GLB1L3: variants seen among roughly 807,000 people sequenced by gnomAD.
GLB1L3 encodes beta-galactosidase-1-like protein 3.
A neutral mutation model predicts 89.5 loss-of-function variants in GLB1L3; 89 were observed. The observed-to-expected ratio is 0.99, with a 90% confidence interval of 0.84 to 1.19. GLB1L3 has a LOEUF of 1.19. Ranked by LOEUF, GLB1L3 falls within the 50% of genes most tolerant of loss-of-function variation. The pLI, the probability that GLB1L3 is intolerant of heterozygous loss-of-function variation, is 0.00. For synonymous variants in GLB1L3, 314 were observed against 312.3 expected, an observed-to-expected ratio of 1.01 and a Z score of -0.06; for missense variants, 812 against 813.3, an observed-to-expected ratio of 1.00 and a Z score of 0.02.
At chr11:134,276,921 T>TC (rs927004569) in intron 1 of GLB1L3, among the ~76,000 whole-genome samples, 158 bp downstream of exon 1, 1 of 152,088 alleles carries the variant, frequency 6.6e-6, no homozygotes, top group Non-Finnish European at 1.5e-5. Context: ...CCTCGGCAGA[T>TC]CCCCTGGCTA....
chr11:134,314,342 C>T lies in GLB1L3; in HGVS notation c.1680C>T (p.Ala560=). The T allele has an allele frequency of 6.5e-7, 1 of 1,548,064 alleles. No homozygotes were observed. Among genetic ancestry groups the T allele is most frequent in the South Asian group, 1.2e-5 (1 of 83,426 alleles). Residue 560 remains alanine, a synonymous_variant, in exon 18 of 20, where the codon GCC becomes GCT. Transcript: ENST00000431683. ...GCCTTTCTTCCAGGCTCCGCTCTGC[C>T]ACCTGGAAGCCTGTCCCAGACAGCC... ...KMSFFERLRS[A]TWKPVPDSHQ...
intron 10 of GLB1L3, 143 bp downstream of exon 10, chr11:134,307,351 C>T: frequency 1.6e-6 from 1 of 632,834 alleles, no homozygotes; most frequent in Non-Finnish European, 2.8e-6. Flanking sequence ...CTCAGCCAGG[C>T]CCTGAGGATG....
chr11:134,278,051 T>C, intron 3 of GLB1L3, 139 bp downstream of exon 3: 1 of 779,420 alleles, frequency 1.3e-6, no homozygotes, highest in Non-Finnish European at 2.1e-6. Flanking sequence ...CATTTAATGC[T>C]TAAGCGTCCA....
chr11:134,295,701 GCTTA>G (rs1941596087), intron 9 of GLB1L3, among the ~76,000 whole-genome samples: 2 of 152,154 alleles, frequency 1.3e-5, no homozygotes, highest in South Asian at 4.1e-4. Context: ...TGGAAATTTA[GCTTA>G]CTGAGTTGGA....
intron 11 of GLB1L3, 24 bp from the exon 12 acceptor site, chr11:134,310,547 G>T (rs1238170789): frequency 1.9e-6 from 3 of 1,594,230 alleles, no homozygotes; most frequent in Non-Finnish European, 2.6e-6. Flanking sequence ...TGCATGGCTG[G>T]TGACTGGCCC....
At chr11:134,290,084 G>A (rs1216354189) in intron 7 of GLB1L3, among the ~76,000 whole-genome samples, 2 of 152,248 alleles carry the variant, frequency 1.3e-5, no homozygotes, top group Admixed American at 6.5e-5. Context: ...TATAGCTGTG[G>A]CTTCTGGAGG....
intron 9 of GLB1L3, among the ~76,000 whole-genome samples, chr11:134,296,878 A>G (rs1941684715): frequency 1.3e-5 from 2 of 150,792 alleles, no homozygotes; most frequent in South Asian, 2.1e-4. Context: ...CAAACAAACA[A>G]AAAAAGAAAA....
At chr11:134,311,517 C>T in intron 13 of GLB1L3, 1 of 193,158 alleles carries the variant, frequency 5.2e-6, no homozygotes, top group Non-Finnish European at 1.1e-5. Flanking sequence ...CCGTGCTTCA[C>T]CAGCAGCTGG....
intron 9 of GLB1L3, among the ~76,000 whole-genome samples, chr11:134,293,748 A>C (rs1016696577): frequency 6.7e-6 from 1 of 149,770 alleles, no homozygotes; most frequent in African/African-American, 2.4e-5. Flanking sequence ...CAGGGAGTAC[A>C]TCATCTGTCC....
At chr11:134,318,269 T>C (rs940531601) in intron 18 of GLB1L3, among the ~76,000 whole-genome samples, 3 of 152,220 alleles carry the variant, frequency 2.0e-5, no homozygotes, top group African/African-American at 7.2e-5. Flanking sequence ...TTCATTATAT[T>C]GCAAGCAGAT....
At chr11:134,315,996 C>G (rs1326970890) in intron 18 of GLB1L3, among the ~76,000 whole-genome samples, 3 of 152,162 alleles carry the variant, frequency 2.0e-5, no homozygotes, top group Admixed American at 6.5e-5. Flanking sequence ...AATTACATAA[C>G]ATAAAATTAG....
rs1347560257 is a variant in GLB1L3, at chr11:134,308,464, CCACCACCAAA to C, written c.962-1161_962-1152del. Among the ~76,000 whole-genome samples the C allele has an allele frequency of 2.4e-3, 43 of 17,976 alleles. 4 individuals carry two copies. The highest frequency in any genetic ancestry group is 3.4e-3 in the Non-Finnish European group (33 of 9,646). 11.8% of individuals were successfully genotyped at this position (17,976 alleles called of 152,430 possible). A position where few individuals can be genotyped will look rare whatever the true frequency, so the allele number is the denominator to read the frequency against. On this transcript the variant is annotated intron_variant, in intron 10 of 19. Transcript: ENST00000431683. ...ACCACCATCACCACCACCACCACCACCACCACCAAATACCACCACCACCATCACCACCAAA... is the reference window on the plus strand; with the variant it reads ...ACCACCATCACCACCACCACCACCACTACCACCACCACCATCACCACCAAA...
At chr11:134,308,268 C>CCAT (rs1942365579) in intron 10 of GLB1L3, among the ~76,000 whole-genome samples, 2 of 33,628 alleles carry the variant, frequency 5.9e-5, no homozygotes, top group Non-Finnish European at 1.2e-4. Flanking sequence ...ACCACCACCA[C>CCAT]CACCACCACC....
Position 134,312,456 on chromosome 11 carries a change from C to G in GLB1L3, c.1395C>G (p.Gly465=), listed in dbSNP as rs1470735508. The G allele has an allele frequency of 6.2e-7, 1 of 1,613,094 alleles. No individual in the cohort carries two copies. The highest frequency in any genetic ancestry group is 1.3e-5 in the African/African-American group (1 of 74,936). Reference sequence around the variant, plus strand: ...ATGAGAAGTCCATCTGCTCCGGAGGCCGCCTCCGTGCCCACGCTCATGACG... The same window carrying G: ...ATGAGAAGTCCATCTGCTCCGGAGGGCGCCTCCGTGCCCACGCTCATGACG... ...VLYEKSICSG[G]RLRAHAHDVA... is the part of the protein sequence containing the mutation. The change falls in exon 14 of 20, where the codon GGC becomes GGG. Residue 465 remains glycine, a synonymous_variant. Coordinates refer to ENST00000431683, the MANE Select transcript of GLB1L3 (RefSeq NM_001080407.3).
intron 5 of GLB1L3, 138 bp from the exon 6 acceptor site, chr11:134,283,599 T>C (rs1277989483): frequency 8.4e-6 from 5 of 594,960 alleles, no homozygotes; most frequent in Non-Finnish European, 1.5e-5. Context: ...CACAGATCTT[T>C]CCAGGACCCG....
chr11:134,280,909 G>A (rs1249519367), intron 3 of GLB1L3, among the ~76,000 whole-genome samples: 3 of 152,090 alleles, frequency 2.0e-5, no homozygotes, highest in Non-Finnish European at 1.5e-5. Context: ...TAGCCCTATG[G>A]GGGAGGGTCC....
At chr11:134,308,564 A>ACCG (rs1942518706) in intron 10 of GLB1L3, among the ~76,000 whole-genome samples, 1 of 142,106 alleles carries the variant, frequency 7.0e-6, no homozygotes. Flanking sequence ...CATCACCACC[A>ACCG]CCACCACCAT....
the GLB1L3 span, among the ~76,000 whole-genome samples, chr11:134,324,751 TAAC>T: frequency 6.6e-6 from 1 of 152,102 alleles, no homozygotes; most frequent in Non-Finnish European, 1.5e-5. Context: ...TATTAAATAA[TAAC>T]AATAAATTTG....
In GLB1L3 at chr11:134,288,449, G is replaced by A. The variant is rs11223748; in HGVS notation, c.637-349G>A. The stretch of plus-strand genomic sequence containing the variant: ...CAGCGGAAGGCCGTGGGACCCACAC[G>A]CAAGTGGTGGCATAAGCCTAAGGCA... On this transcript the variant is annotated intron_variant, in intron 6 of 19. Coordinates refer to ENST00000431683, the MANE Select transcript of GLB1L3 (RefSeq NM_001080407.3). 3.9e-5 allele frequency among the ~76,000 whole-genome samples: 6 copies of A among 152,342 alleles called. No individual in the cohort carries two copies. The East Asian group carries it at 1.2e-3, about 29-fold the overall frequency.
Sources: allele counts gnomAD v4.1 joint callset (sites outside exome capture counted in the v4.1 genomes callset), GRCh38; gene constraint gnomAD v4.1.1; transcripts MANE v1.5; gene names NCBI Gene and HGNC (gene_info 2026-07-23, HGNC 2026-07-21).